Variants in USP24 observed in about 807,000 individuals in gnomAD.
USP24 encodes the protein ubiquitin specific peptidase 24.
In USP24, 97 loss-of-function variants were observed where a neutral mutation model predicts 361.6. That is an observed-to-expected ratio of 0.27 (90% CI 0.23 to 0.32). USP24 has a LOEUF of 0.32. Ranked by LOEUF, USP24 falls within the 10% of genes least tolerant of loss-of-function variation. USP24 has a pLI of 1.00. For synonymous variants in USP24, 1,098 were observed against 1,124.6 expected, an observed-to-expected ratio of 0.98 and a Z score of 0.47; for missense variants, 2,353 against 3,165.6, an observed-to-expected ratio of 0.74 and a Z score of 6.16.
At chr1:55,166,443 C>A in intron 6 of USP24, 125 bp downstream of exon 6, 1 of 904,782 alleles carries the variant, frequency 1.1e-6, no homozygotes, top group South Asian at 1.6e-5. Context: ...ATATGAAATC[C>A]ACTCCTTAAA....
At chr1:55,087,278 T>C (rs1380273556) in intron 55 of USP24, among the ~76,000 whole-genome samples, 1 of 152,194 alleles carries the variant, frequency 6.6e-6, no homozygotes, top group Non-Finnish European at 1.5e-5. Flanking sequence ...AAACAAACTA[T>C]AATAAACTCC....
chr1:55,131,333 A>G (rs1209003518), intron 31 of USP24, among the ~76,000 whole-genome samples: 1 of 152,226 alleles, frequency 6.6e-6, no homozygotes, highest in Non-Finnish European at 1.5e-5. Context: ...TAATCTAAAT[A>G]GAAAGCACTT....
chr1:55,098,423 A>T, intron 46 of USP24, 53 bp downstream of exon 46: 1 of 1,494,678 alleles, frequency 6.7e-7, no homozygotes, highest in East Asian at 2.3e-5. Context: ...ATACTAAACA[A>T]ATCACTTCAA....
chr1:55,152,058 G>A, intron 16 of USP24: 2 of 893,820 alleles, frequency 2.2e-6, no homozygotes, highest in Non-Finnish European at 2.7e-6. Flanking sequence ...ATATCCAGGG[G>A]GCTTTGATCT....
chr1:55,075,678 C>G (rs1645015655), intron 62 of USP24, among the ~76,000 whole-genome samples, 155 bp from the exon 63 acceptor site: 2 of 123,108 alleles, frequency 1.6e-5, no homozygotes, highest in South Asian at 5.9e-4. Context: ...CCACCACCAC[C>G]AATACAGGAC....
At chr1:55,119,805 T>C (rs1246291150) in intron 38 of USP24, among the ~76,000 whole-genome samples, 1 of 152,190 alleles carries the variant, frequency 6.6e-6, no homozygotes, top group Non-Finnish European at 1.5e-5. Context: ...TTTTTTCCTA[T>C]ATAGAAAATT....
At chr1:55,087,997 A>G (rs955111083) in intron 55 of USP24, among the ~76,000 whole-genome samples, 2 of 152,252 alleles carry the variant, frequency 1.3e-5, no homozygotes, top group African/African-American at 4.8e-5. Context: ...AAGCCTGACA[A>G]GCAGAGAGTG....
chr1:55,099,489 T>G, intron 45 of USP24, among the ~76,000 whole-genome samples: 1 of 151,848 alleles, frequency 6.6e-6, no homozygotes, highest in Non-Finnish European at 1.5e-5. Context: ...ACCTGGAAGG[T>G]AGAGGTTGCA....
At chr1:55,181,743 A>G (rs75807461) in intron 1 of USP24, among the ~76,000 whole-genome samples, 1 of 152,328 alleles carries the variant, frequency 6.6e-6, no homozygotes, top group East Asian at 1.9e-4. Context: ...GAAAGAAACA[A>G]AAGTCCCCTA....
At chr1:55,148,389 C>A in intron 17 of USP24, 74 bp downstream of exon 17, 1 of 1,120,278 alleles carries the variant, frequency 8.9e-7, no homozygotes, top group Non-Finnish European at 1.3e-6. Flanking sequence ...ATAAACTCAG[C>A]AATTTTAGCC....
intron 62 of USP24, among the ~76,000 whole-genome samples, chr1:55,076,552 C>G (rs1645034908): frequency 6.6e-6 from 1 of 152,176 alleles, no homozygotes; most frequent in Non-Finnish European, 1.5e-5. Context: ...TAACCAGTCA[C>G]CAAATTCCAA....
chr1:55,190,929 T>C (rs1466287375), intron 1 of USP24, among the ~76,000 whole-genome samples: 1 of 152,200 alleles, frequency 6.6e-6, no homozygotes, highest in Non-Finnish European at 1.5e-5. Context: ...ACTTCAACAT[T>C]TTTAGCCATT....
At chr1:55,153,267 C>T (rs940697947) in intron 16 of USP24, among the ~76,000 whole-genome samples, 20 of 152,176 alleles carry the variant, frequency 1.3e-4, no homozygotes, top group Admixed American at 4.6e-4. Flanking sequence ...AATCTGCTAA[C>T]CACCACCTCC....
chr1:55,137,659 G>T lies in USP24; in HGVS notation c.3057C>A (p.Leu1019=), dbSNP rs1646775957. ...GTTCATCAGAAAAGCCCAGTTGGTG[G>T]AGTAGCTTTTGATCTTTATTCACTG... The part of the protein sequence containing the change: ...LLTVNKDQKL[L]HQLGFSDEQI... Residue 1019 remains leucine, a synonymous_variant, in exon 28 of 68, where the codon CTC becomes CTA. Transcript: ENST00000294383. The T allele has an allele frequency of 1.2e-6, 2 of 1,612,834 alleles. No individual in the cohort carries two copies. Among genetic ancestry groups the T allele is most frequent in the Non-Finnish European group, 1.7e-6 (2 of 1,179,442 alleles).
At chr1:55,144,670 C>T (rs1646980660) in intron 20 of USP24, among the ~76,000 whole-genome samples, 2 of 152,202 alleles carry the variant, frequency 1.3e-5, no homozygotes, top group African/African-American at 4.8e-5. Context: ...TGCGGTGGCT[C>T]AAGCCTGTAA....
At chr1:55,156,325 C>T (rs1323966444) in intron 12 of USP24, among the ~76,000 whole-genome samples, 1 of 150,990 alleles carries the variant, frequency 6.6e-6, no homozygotes, top group African/African-American at 2.4e-5. Flanking sequence ...CACAGGAATG[C>T]CTGCAATTGA....
At chr1:55,111,279 A>T (rs1050044893) in intron 38 of USP24, among the ~76,000 whole-genome samples, 4 of 150,830 alleles carry the variant, frequency 2.7e-5, no homozygotes, top group Non-Finnish European at 5.9e-5. Context: ...TTGATGTGAA[A>T]TTAAATAGCT....
At chr1:55,123,414 AAG>A in intron 36 of USP24, 31 bp downstream of exon 36, 1 of 1,510,778 alleles carries the variant, frequency 6.6e-7, no homozygotes, top group Non-Finnish European at 8.9e-7. Context: ...CTTTCCCTGA[AAG>A]AGATTAATCA....
intron 40 of USP24, 138 bp downstream of exon 40, chr1:55,107,101 C>A: frequency 4.2e-6 from 4 of 959,822 alleles, no homozygotes; most frequent in Non-Finnish European, 5.8e-6. Flanking sequence ...ACTAAAATAA[C>A]GGACAATTTC....
Sources: allele counts gnomAD v4.1 joint callset (sites outside exome capture counted in the v4.1 genomes callset), GRCh38; gene constraint gnomAD v4.1.1; transcripts MANE v1.5; gene names NCBI Gene and HGNC (gene_info 2026-07-23, HGNC 2026-07-21).